The following TNIP1 variants were observed in gnomAD, a reference collection of about 807,000 sequenced individuals.
TNIP1 encodes the protein TNFAIP3 interacting protein 1.
TNIP1 carries 22 observed loss-of-function variants against 86.6 expected under a neutral mutation model. The observed-to-expected ratio is 0.25, with a 90% confidence interval of 0.18 to 0.36. TNIP1 has a LOEUF of 0.36. Among genes scored for constraint, TNIP1 ranks in the 10% least tolerant of loss-of-function variants. The pLI is 1.00. For synonymous variants in TNIP1, 294 were observed against 313.0 expected, an observed-to-expected ratio of 0.94 and a Z score of 0.64; for missense variants, 709 against 820.6, an observed-to-expected ratio of 0.86 and a Z score of 1.66.
At chr5:151,038,760 T>C (rs1725241844) in intron 12 of TNIP1, among the ~76,000 whole-genome samples, 1 of 152,162 alleles carries the variant, frequency 6.6e-6, no homozygotes, top group Non-Finnish European at 1.5e-5. Context: ...GAGAAGTTGC[T>C]GGTACCTCAG....
At chr5:151,065,571 T>G (rs907675697) in intron 1 of TNIP1, among the ~76,000 whole-genome samples, 5 of 152,208 alleles carry the variant, frequency 3.3e-5, no homozygotes, top group African/African-American at 1.2e-4. Flanking sequence ...ACTCAATTAA[T>G]GGTCTAGGCA....
Position 151,030,675 on chromosome 5 carries a change from T to C in TNIP1, c.*38A>G. 1 of 1,614,102 alleles carries C rather than the reference T, an allele frequency of 6.2e-7. No individual in the cohort carries two copies. The highest frequency in any genetic ancestry group is 8.5e-7 in the Non-Finnish European group (1 of 1,179,974). ...TTGGCAATCTGAGATCAGCTGGCTC[T>C]GCAAGATGAAGGTGGAGCCAAATGA... On this transcript the variant is annotated 3_prime_UTR_variant, in exon 18 of 18. Coordinates refer to ENST00000521591, the MANE Select transcript of TNIP1 (RefSeq NM_006058.5).
chr5:151,077,322 G>A (rs1238448189), intron 1 of TNIP1, among the ~76,000 whole-genome samples: 1 of 152,194 alleles, frequency 6.6e-6, no homozygotes, highest in Admixed American at 6.5e-5. Context: ...ACTTTTGGGG[G>A]ACACATTCAA....
At chr5:151,048,697 G>A (rs1759501398) in intron 8 of TNIP1, among the ~76,000 whole-genome samples, 1 of 152,156 alleles carries the variant, frequency 6.6e-6, no homozygotes. Context: ...CACACCTGAG[G>A]CAGCTCAGAG....
chr5:151,034,693 G>A (rs552267093), intron 15 of TNIP1: 9 of 402,348 alleles, frequency 2.2e-5, no homozygotes, highest in South Asian at 1.5e-4. Context: ...ACATGGGCAC[G>A]GAGGGCTGGA....
chr5:151,053,299 G>A (rs545992555), intron 6 of TNIP1, among the ~76,000 whole-genome samples: 4 of 151,754 alleles, frequency 2.6e-5, no homozygotes, highest in Non-Finnish European at 5.9e-5. Flanking sequence ...CAGTACAGAC[G>A]GGGTTTCACC....
At chr5:151,076,724 C>T (rs1309299135) in intron 1 of TNIP1, among the ~76,000 whole-genome samples, 2 of 152,108 alleles carry the variant, frequency 1.3e-5, no homozygotes, top group Admixed American at 6.6e-5. Flanking sequence ...AGGAAGAACC[C>T]GGGCTGATGT....
intron 6 of TNIP1, among the ~76,000 whole-genome samples, chr5:151,055,875 G>A (rs537430699): frequency 6.6e-5 from 10 of 152,272 alleles, no homozygotes; most frequent in South Asian, 4.1e-4. Context: ...AGAAGCCTCC[G>A]TTTTGCCATC....
chr5:151,041,518 C>T (rs1206939703), intron 11 of TNIP1, among the ~76,000 whole-genome samples: 1 of 152,118 alleles, frequency 6.6e-6, no homozygotes, highest in Non-Finnish European at 1.5e-5. Flanking sequence ...CAGGTGCACA[C>T]TGCCACACCC....
At chr5:151,044,557 G>A (rs758022520) in intron 9 of TNIP1, among the ~76,000 whole-genome samples, 2 of 151,962 alleles carry the variant, frequency 1.3e-5, no homozygotes, top group Admixed American at 6.6e-5. Context: ...CAGAAAAAAA[G>A]ACGCTTATAA....
chr5:151,034,408 A>C, intron 15 of TNIP1: 1 of 285,680 alleles, frequency 3.5e-6, no homozygotes, highest in Non-Finnish European at 6.5e-6. Flanking sequence ...AGGCTGGTAC[A>C]TGGGCACGGA....
intron 12 of TNIP1, among the ~76,000 whole-genome samples, chr5:151,037,981 C>A (rs1757931025): frequency 6.6e-6 from 1 of 152,236 alleles, no homozygotes; most frequent in Non-Finnish European, 1.5e-5. Flanking sequence ...GCAAAGAAGG[C>A]CACATGCCCT....
Position 151,033,926 on chromosome 5 carries a change from G to C in TNIP1, c.1588-127C>G, listed in dbSNP as rs117226070. The stretch of plus-strand genomic sequence containing the variant: ...GGCTGGGTACCAAAGGCTGGTATGT[G>C]GTCATGAAAGGCTGCTACATGGGTA... On this transcript the variant is annotated intron_variant, in intron 15 of 17. Coordinates refer to ENST00000521591, the MANE Select transcript of TNIP1 (RefSeq NM_006058.5). 6.4e-5 allele frequency: 49 copies of C among 768,504 alleles called. No homozygotes were observed. The East Asian group carries it at 1.5e-3, about 24-fold the overall frequency. The allele number at this position is 768,504 out of a possible 1,614,324, so 47.6% of individuals were successfully genotyped here.
At chr5:151,034,676 G>C in intron 15 of TNIP1, 1 of 388,276 alleles carries the variant, frequency 2.6e-6, no homozygotes, top group South Asian at 2.2e-5. Flanking sequence ...GGGCACAAAA[G>C]GCTGGTACAT....
chr5:151,064,908 T>A, intron 2 of TNIP1, 52 bp downstream of exon 2: 2 of 1,611,016 alleles, frequency 1.2e-6, no homozygotes, highest in Non-Finnish European at 1.7e-6. Flanking sequence ...GGGACTGGCA[T>A]CACAGTCTGC....
chr5:151,030,828 A>C (rs1360700160), intron 17 of TNIP1, 81 bp from the exon 18 acceptor site: 1 of 1,206,634 alleles, frequency 8.3e-7, no homozygotes, highest in East Asian at 2.4e-5. Flanking sequence ...GCAGTGCAGG[A>C]ACAGTGAAAA....
chr5:151,035,231 C>G (rs1757543717), intron 14 of TNIP1, among the ~76,000 whole-genome samples, 164 bp from the exon 15 acceptor site: 1 of 152,208 alleles, frequency 6.6e-6, no homozygotes, highest in Non-Finnish European at 1.5e-5. Flanking sequence ...GGAGCACAGC[C>G]CAGGCTGTTG....
In TNIP1 at chr5:151,041,441, G is replaced by A. The variant is rs142691563; in HGVS notation, c.1134+1099C>T. 4.5e-3 allele frequency among the ~76,000 whole-genome samples: 683 copies of A among 152,312 alleles called. 7 individuals carry two copies. Among genetic ancestry groups the A allele is most frequent in the African/African-American group, 0.016 (656 of 41,574 alleles). On this transcript the variant is annotated intron_variant, in intron 11 of 17. Coordinates refer to ENST00000521591, the MANE Select transcript of TNIP1 (RefSeq NM_006058.5). The stretch of plus-strand genomic sequence containing the variant: ...TCTGGAGTGCAGTGGCACAATCACA[G>A]CTCACTGAAGCTTCCAACTCCTGGG...
chr5:151,049,800 C>T (rs758270360), intron 8 of TNIP1, 24 bp downstream of exon 8: 10 of 1,613,956 alleles, frequency 6.2e-6, no homozygotes, highest in South Asian at 1.1e-5. Flanking sequence ...AAGGATGCTA[C>T]AGAAGGAATT....
Sources: gnomAD v4.1 joint callset for allele counts (sites outside exome capture counted in the v4.1 genomes callset) on GRCh38, gnomAD v4.1.1 for gene constraint, MANE v1.5 for transcripts, NCBI Gene and HGNC (gene_info 2026-07-23, HGNC 2026-07-21) for gene names.